GRIN2A: variants seen among roughly 807,000 people sequenced by gnomAD.
GRIN2A encodes the protein glutamate ionotropic receptor NMDA type subunit 2A.
A neutral mutation model predicts 113.4 loss-of-function variants in GRIN2A; 22 were observed. That is an observed-to-expected ratio of 0.19 (90% CI 0.14 to 0.28). The LOEUF (loss-of-function observed/expected upper bound fraction) is 0.28, where lower values mean the gene tolerates loss of function less well. Ranked by LOEUF, GRIN2A falls within the 10% of genes least tolerant of loss-of-function variation. The probability of loss-of-function intolerance (pLI) is 1.00; values close to 1 mark genes in which losing one functional copy is unlikely to be tolerated. For synonymous variants in GRIN2A, 827 were observed against 738.4 expected (o/e 1.12, Z -1.94); for missense variants, 1,502 against 1,887.0 (o/e 0.80, Z 3.78).
intron 4 of GRIN2A, among the ~76,000 whole-genome samples, chr16:9,875,963 C>T (rs1384736315): frequency 6.6e-6 from 1 of 152,100 alleles, no homozygotes; most frequent in African/African-American, 2.4e-5. Flanking sequence ...TTATAAGTTC[C>T]CTGTTGGTAG....
intron 2 of GRIN2A, among the ~76,000 whole-genome samples, chr16:9,953,624 C>T (rs1305036181): frequency 6.6e-6 from 1 of 151,884 alleles, no homozygotes; most frequent in East Asian, 1.9e-4. Flanking sequence ...CATGGCATCC[C>T]CTAACAAAAG....
Position 9,778,666 on chromosome 16 carries a change from A to C in GRIN2A, c.2357-9577T>G, listed in dbSNP as rs1901754693. On this transcript the variant is annotated intron_variant, in intron 11 of 12. Transcript: ENST00000330684. ...CGAGGGGAAGTAAATCTGGGTGTTTACACGTGCCTTTCACAGGATGCTTCT... is the reference window on the plus strand; with the variant it reads ...CGAGGGGAAGTAAATCTGGGTGTTTCCACGTGCCTTTCACAGGATGCTTCT... 2.0e-5 allele frequency among the ~76,000 whole-genome samples: 3 copies of C among 152,236 alleles called. No individual in the cohort carries two copies. The South Asian group carries it at 6.2e-4, about 32-fold the overall frequency.
intron 2 of GRIN2A, chr16:10,112,334 T>G (rs1047610105): frequency 1.5e-6 from 1 of 650,726 alleles, no homozygotes; most frequent in African/African-American, 1.8e-5. Flanking sequence ...CTGGTGTGGA[T>G]GGACTGCATG....
In GRIN2A at chr16:9,761,518, T is replaced by C. The variant is rs551302619; in HGVS notation, c.*1631A>G. 1 of 229,524 alleles carries C rather than the reference T, an allele frequency of 4.4e-6. No homozygotes were observed. The highest frequency in any genetic ancestry group is 1.8e-4 in the South Asian group (1 of 5,508). The allele number at this position is 229,524 out of a possible 1,614,324, so 14.2% of individuals were successfully genotyped here. On this transcript the variant is annotated 3_prime_UTR_variant, in exon 13 of 13. Transcript: ENST00000330684. ...TATTCATGTACATGAAATACACTAA[T>C]TAACAGAGTAGAACTATATAAAAGG...
chr16:10,128,258 C>T (rs1000206872), intron 2 of GRIN2A, among the ~76,000 whole-genome samples: 15 of 152,128 alleles, frequency 9.9e-5, no homozygotes, highest in Admixed American at 7.9e-4. Flanking sequence ...AAGCCATAGC[C>T]GTGGGTGCAA....
intron 2 of GRIN2A, among the ~76,000 whole-genome samples, chr16:10,008,335 A>G (rs2046441272): frequency 6.6e-6 from 1 of 152,208 alleles, no homozygotes; most frequent in South Asian, 2.1e-4. Context: ...CCATCTTCTA[A>G]TACAAATGTA....
intron 4 of GRIN2A, among the ~76,000 whole-genome samples, chr16:9,885,726 G>C (rs929660924): frequency 6.6e-6 from 1 of 152,162 alleles, no homozygotes; most frequent in South Asian, 2.1e-4. Context: ...GTAGTGCTGG[G>C]GGGGCAGCTT....
At chr16:9,921,457 T>C (rs1271707523) in intron 3 of GRIN2A, among the ~76,000 whole-genome samples, 1 of 152,224 alleles carries the variant, frequency 6.6e-6, no homozygotes, top group African/African-American at 2.4e-5. Flanking sequence ...ATCTTGATAC[T>C]GATCCTACCA....
intron 2 of GRIN2A, among the ~76,000 whole-genome samples, chr16:9,942,257 C>T (rs147012785): frequency 6.6e-6 from 1 of 152,222 alleles, no homozygotes; most frequent in Non-Finnish European, 1.5e-5. Context: ...CATAGGCCTA[C>T]CATGTTAAGT....
intron 9 of GRIN2A, among the ~76,000 whole-genome samples, chr16:9,826,198 A>C (rs1327868037): frequency 2.6e-5 from 4 of 152,186 alleles, no homozygotes; most frequent in African/African-American, 9.7e-5. Context: ...CAGAAGGCCA[A>C]TCATATGGCA....
intron 2 of GRIN2A, among the ~76,000 whole-genome samples, chr16:10,129,741 T>G (rs2049023884): frequency 1.3e-5 from 2 of 152,192 alleles, no homozygotes; most frequent in African/African-American, 2.4e-5. Context: ...CTAGGTAAAA[T>G]GGAAAGCTGG....
In GRIN2A at chr16:10,167,924, G is replaced by A. The variant is rs147731191; in HGVS notation, c.414+12074C>T. 3.9e-4 allele frequency among the ~76,000 whole-genome samples: 59 copies of A among 152,286 alleles called. 1 individual carries two copies. The East Asian group carries it at 8.1e-3, about 21-fold the overall frequency. ...CCATAAGCAGATGTTCCAAATGCAG[G>A]AGAATACAACTGACTAAAAAGAATA... On this transcript the variant is annotated intron_variant, in intron 2 of 12. Coordinates refer to ENST00000330684, the MANE Select transcript of GRIN2A (RefSeq NM_001134407.3).
rs145049184 is a variant in GRIN2A at position 9,754,573 on chromosome 16, A to G, written c.*8576T>C. The G allele has an allele frequency of 5.1e-4, 109 of 212,310 alleles. No homozygotes were observed. The highest frequency in any genetic ancestry group is 2.3e-3 in the African/African-American group (103 of 44,338). 13.2% of individuals were successfully genotyped at this position (212,310 alleles called of 1,614,324 possible). A position where few individuals can be genotyped will look rare whatever the true frequency, so the allele number is the denominator to read the frequency against. On this transcript the variant is annotated 3_prime_UTR_variant, in exon 13 of 13. Coordinates refer to ENST00000330684, the MANE Select transcript of GRIN2A (RefSeq NM_001134407.3). Reference sequence around the variant, plus strand: ...TTAGAGGCCTGAATCTTTTGTTTTTAAACTGAAACATTTACGTAAGTGGTC... The same window carrying G: ...TTAGAGGCCTGAATCTTTTGTTTTTGAACTGAAACATTTACGTAAGTGGTC...
In GRIN2A at chr16:9,768,840, G is replaced by C. The variant is rs768282034; in HGVS notation, c.2595+11C>G. ...TTGCAGTGCAAGAAAGTAGCCACCC[G>C]GTGTACTGACCCTGCTGATGGAGAA... On this transcript the variant is annotated intron_variant, in intron 12 of 12. Coordinates refer to ENST00000330684, the MANE Select transcript of GRIN2A (RefSeq NM_001134407.3). 5.0e-6 allele frequency: 8 copies of C among 1,589,402 alleles called. No homozygotes were observed. Among genetic ancestry groups the C allele is most frequent in the South Asian group, 1.1e-5 (1 of 90,566 alleles).
Position 9,769,104 on chromosome 16 carries a change from A to G in GRIN2A, c.2357-15T>C, listed in dbSNP as rs760895712. On this transcript the variant is annotated splice_polypyrimidine_tract_variant and intron_variant, in intron 11 of 12. Transcript: ENST00000330684. ...CTCCATCTCACCTGGACAGATCACA[A>G]CATTCACAGGCAGTGAGGACCAGAA... The G allele has an allele frequency of 6.3e-7, 1 of 1,594,786 alleles. No homozygotes were observed.
At chr16:10,030,897 A>G (rs1421225986) in intron 2 of GRIN2A, among the ~76,000 whole-genome samples, 1 of 152,194 alleles carries the variant, frequency 6.6e-6, no homozygotes. Context: ...CAATAAATAG[A>G]TGTATTATTT....
chr16:9,998,526 A>C (rs2141836294), intron 2 of GRIN2A, among the ~76,000 whole-genome samples: 1 of 152,334 alleles, frequency 6.6e-6, no homozygotes. Flanking sequence ...GTACTCTTTA[A>C]AATGGTTAAA....
At chr16:10,067,012 G>T (rs1448262) in intron 2 of GRIN2A, among the ~76,000 whole-genome samples, 16,542 of 152,200 alleles carry the variant, frequency 0.11, 1,042 homozygotes, top group African/African-American at 0.16. Context: ...GATATTTTAA[G>T]TGGATGAATA....
chr16:10,159,221 T>G (rs1453367835), intron 2 of GRIN2A, among the ~76,000 whole-genome samples: 1 of 152,160 alleles, frequency 6.6e-6, no homozygotes, highest in Non-Finnish European at 1.5e-5. Flanking sequence ...CCGTCCCTCA[T>G]GTTCCTTCCA....
Sources: gnomAD v4.1 joint callset for allele counts (sites outside exome capture counted in the v4.1 genomes callset) on GRCh38, gnomAD v4.1.1 for gene constraint, MANE v1.5 for transcripts, NCBI Gene and HGNC (gene_info 2026-07-23, HGNC 2026-07-21) for gene names.